Variants in ASIC2 observed in about 807,000 individuals in gnomAD.
ASIC2 encodes the protein acid-sensing ion channel 2.
A neutral mutation model predicts 57.3 loss-of-function variants in ASIC2; 25 were observed. The observed-to-expected ratio is 0.44, with a 90% CI of 0.32 to 0.61. ASIC2 has a LOEUF of 0.61. Ranked by LOEUF, ASIC2 falls within the 20% of genes least tolerant of loss-of-function variation. The pLI, the probability that ASIC2 is intolerant of heterozygous loss-of-function variation, is 0.06. For synonymous variants in ASIC2, 319 were observed against 307.5 expected, an observed-to-expected ratio of 1.04 and a Z score of -0.39; for missense variants, 641 against 738.1, an observed-to-expected ratio of 0.87 and a Z score of 1.52.
chr17:33,587,006 A>G (rs536233398), intron 1 of ASIC2, among the ~76,000 whole-genome samples: 2 of 152,230 alleles, frequency 1.3e-5, no homozygotes, highest in Admixed American at 1.3e-4. Flanking sequence ...TGTGAGATTA[A>G]TGTATCAATG....
chr17:33,714,470 C>T (rs1162627186), intron 1 of ASIC2, among the ~76,000 whole-genome samples: 1 of 152,058 alleles, frequency 6.6e-6, no homozygotes, highest in Non-Finnish European at 1.5e-5. Context: ...ATCTTGAAAA[C>T]CATGCTGAGT....
In ASIC2 at chr17:33,398,957, G is replaced by C. The variant is rs148543910; in HGVS notation, c.556-286890C>G. Among the ~76,000 whole-genome samples, 289 of 152,264 alleles carry C rather than the reference G, an allele frequency of 1.9e-3. 1 individual carries two copies. Among genetic ancestry groups the C allele is most frequent in the African/African-American group, 6.7e-3 (278 of 41,554 alleles). On this transcript the variant is annotated intron_variant, in intron 1 of 9. Coordinates refer to the ASIC2 transcript ENST00000359872. ...CTGGGAATTTGGGAGTCATAGACTGGGACATATCATCACAGATACCTTGGA... is the reference window on the plus strand; with the variant it reads ...CTGGGAATTTGGGAGTCATAGACTGCGACATATCATCACAGATACCTTGGA...
chr17:33,742,950 C>G (rs1954622988), intron 1 of ASIC2, among the ~76,000 whole-genome samples: 1 of 152,304 alleles, frequency 6.6e-6, no homozygotes, highest in Admixed American at 6.5e-5. Context: ...AAATGAGATT[C>G]TACGTATTTT....
chr17:33,789,355 G>A (rs2142135051), intron 1 of ASIC2, among the ~76,000 whole-genome samples: 1 of 152,190 alleles, frequency 6.6e-6, no homozygotes, highest in South Asian at 2.1e-4. Context: ...ATCCTGATAA[G>A]CACTTTTATA....
At chr17:33,716,225 G>A (rs1909214021) in intron 1 of ASIC2, among the ~76,000 whole-genome samples, 1 of 152,170 alleles carries the variant, frequency 6.6e-6, no homozygotes, top group Non-Finnish European at 1.5e-5. Flanking sequence ...TAGCCAGAGT[G>A]ATCTTTCACA....
chr17:33,904,163 C>CAAAAAAAAA (rs769795292), intron 1 of ASIC2, among the ~76,000 whole-genome samples: 8 of 55,844 alleles, frequency 1.4e-4, no homozygotes, highest in Non-Finnish European at 1.8e-4. Context: ...AACTCCGTCT[C>CAAAAAAAAA]AAAAAAAAAA....
chr17:33,796,678 C>T (rs117530251), intron 1 of ASIC2, among the ~76,000 whole-genome samples: 303 of 152,310 alleles, frequency 2.0e-3, no homozygotes, highest in East Asian at 3.1e-3. Flanking sequence ...CTGCCAGAAA[C>T]GCTCTTTCCC....
intron 1 of ASIC2, among the ~76,000 whole-genome samples, chr17:33,436,853 C>CTTTTTTTTTTTT (rs71144877): frequency 1.7e-4 from 11 of 66,616 alleles, no homozygotes; most frequent in Non-Finnish European, 2.4e-4. Context: ...ATTCCAACTT[C>CTTTTTTTTTTTT]TTTTTTTTTT....
At chr17:33,118,458 C>A (rs1473027591) in intron 1 of ASIC2, among the ~76,000 whole-genome samples, 1 of 152,164 alleles carries the variant, frequency 6.6e-6, no homozygotes. Context: ...TGGCCTAATT[C>A]CAAAGTCTAT....
At chr17:34,007,672 A>T (rs1164073952) in intron 1 of ASIC2, among the ~76,000 whole-genome samples, 2 of 152,216 alleles carry the variant, frequency 1.3e-5, no homozygotes, top group African/African-American at 4.8e-5. Flanking sequence ...TCTTTTCAGC[A>T]TTCTGTGCCA....
At chr17:33,933,642 A>T (rs975981716) in intron 1 of ASIC2, among the ~76,000 whole-genome samples, 5 of 152,236 alleles carry the variant, frequency 3.3e-5, no homozygotes, top group East Asian at 1.9e-4. Flanking sequence ...GGGGATGAGG[A>T]CCAACTTAGC....
chr17:33,364,549 C>T (rs1908732871), intron 1 of ASIC2, among the ~76,000 whole-genome samples: 2 of 152,056 alleles, frequency 1.3e-5, no homozygotes, highest in Admixed American at 6.5e-5. Context: ...TGAGTGAGTT[C>T]TCATGAGATC....
chr17:33,562,571 C>G (rs770898418), intron 1 of ASIC2, among the ~76,000 whole-genome samples: 1 of 152,236 alleles, frequency 6.6e-6, no homozygotes, highest in South Asian at 2.1e-4. Flanking sequence ...GGAGAGAGCA[C>G]GTCACACTCT....
At chr17:33,510,167 C>T (rs1458085600) in intron 1 of ASIC2, among the ~76,000 whole-genome samples, 1 of 152,178 alleles carries the variant, frequency 6.6e-6, no homozygotes, top group Non-Finnish European at 1.5e-5. Context: ...TGTATCTGTA[C>T]AGCAGGTGGG....
intron 1 of ASIC2, among the ~76,000 whole-genome samples, chr17:33,816,173 G>GA (rs1353907243): frequency 1.4e-5 from 2 of 138,448 alleles, no homozygotes; most frequent in Non-Finnish European, 3.2e-5. Context: ...CAACTGAAGG[G>GA]GGGGCGGGTG....
chr17:33,182,442 T>C (rs1906022614), intron 1 of ASIC2, among the ~76,000 whole-genome samples: 1 of 152,204 alleles, frequency 6.6e-6, no homozygotes, highest in Admixed American at 6.5e-5. Flanking sequence ...TCATTATTAT[T>C]GTTTTGTGAT....
chr17:33,551,719 G>A (rs765446974), intron 1 of ASIC2, among the ~76,000 whole-genome samples: 1 of 152,156 alleles, frequency 6.6e-6, no homozygotes, highest in Non-Finnish European at 1.5e-5. Flanking sequence ...TTAGACTGTT[G>A]TTCTGAGATG....
intron 1 of ASIC2, among the ~76,000 whole-genome samples, chr17:33,325,641 C>T (rs1907045236): frequency 6.6e-6 from 1 of 152,008 alleles, no homozygotes; most frequent in African/African-American, 2.4e-5. Flanking sequence ...TAATGGTACC[C>T]TTATACTTGT....
At chr17:34,131,623 A>G (rs1442137596) in intron 1 of ASIC2, among the ~76,000 whole-genome samples, 1 of 152,232 alleles carries the variant, frequency 6.6e-6, no homozygotes, top group Non-Finnish European at 1.5e-5. Flanking sequence ...TGCTGACAGC[A>G]GGGACATCTT....
Sources: gnomAD v4.1 joint callset for allele counts (sites outside exome capture counted in the v4.1 genomes callset) on GRCh38, gnomAD v4.1.1 for gene constraint, MANE v1.5 for transcripts, NCBI Gene and HGNC (gene_info 2026-07-23, HGNC 2026-07-21) for gene names.